The following PLXDC1 variants were observed in gnomAD, a reference collection of about 807,000 sequenced individuals.
PLXDC1 encodes the protein plexin domain containing 1.
Under a neutral mutation model 61.3 loss-of-function variants are expected in PLXDC1, and 39 were observed. That is an observed-to-expected ratio of 0.64 (90% CI 0.49 to 0.83). The LOEUF is 0.83. Ranked by LOEUF, PLXDC1 falls within the 40% of genes least tolerant of loss-of-function variation. The pLI is 0.00. For synonymous variants in PLXDC1, 212 were observed against 254.5 expected (o/e 0.83, Z 1.59); for missense variants, 596 against 666.5 (o/e 0.89, Z 1.17).
At position 39,129,711 on chromosome 17, in the gene PLXDC1, G is replaced by GGAAAGAAA. The variant is rs905924810; in HGVS notation, c.255+9935_255+9942dup. Among the ~76,000 whole-genome samples the GGAAAGAAA allele has an allele frequency of 4.8e-4, 52 of 108,334 alleles. 3 individuals carry two copies. The highest frequency in any genetic ancestry group is 1.6e-3 in the African/African-American group (46 of 28,252). The allele number at this position is 108,334 out of a possible 152,430, so 71.1% of individuals were successfully genotyped here. The stretch of plus-strand genomic sequence containing the variant: ...AGAAAAGAAAGAAAGAAAGAAAGAA[G>GGAAAGAAA]GAAAGAAAGAAAGAAAGAAAAGAAA... On this transcript the variant is annotated intron_variant, in intron 2 of 13. Coordinates refer to ENST00000315392, the MANE Select transcript of PLXDC1 (RefSeq NM_020405.5).
intron 7 of PLXDC1, among the ~76,000 whole-genome samples, chr17:39,104,386 A>G (rs1270407688): frequency 6.6e-6 from 1 of 152,180 alleles, no homozygotes; most frequent in Non-Finnish European, 1.5e-5. Context: ...TATAGAAGGT[A>G]CTGGGTAAGG....
At chr17:39,133,580 C>A (rs1429944061) in intron 2 of PLXDC1, among the ~76,000 whole-genome samples, 1 of 152,156 alleles carries the variant, frequency 6.6e-6, no homozygotes, top group Non-Finnish European at 1.5e-5. Flanking sequence ...TGCTTACATT[C>A]CAGGGGGAAG....
rs187562410 is a variant in PLXDC1 at position 39,063,378 on chromosome 17, G to A, written c.*4462C>T. 63 of 681,916 alleles carry A rather than the reference G, an allele frequency of 9.2e-5. 1 individual carries two copies. The East Asian group carries it at 1.7e-3, about 18-fold the overall frequency. 42.2% of individuals were successfully genotyped at this position (681,916 alleles called of 1,614,324 possible). A position where few individuals can be genotyped will look rare whatever the true frequency, so the allele number is the denominator to read the frequency against. ...AAAATGCATGGGGTTTACTTCCAGG[G>A]ATTTACAGACCAATATAAGTAAACA... On this transcript the variant is annotated 3_prime_UTR_variant, in exon 14 of 14. Transcript: ENST00000315392.
intron 12 of PLXDC1, among the ~76,000 whole-genome samples, chr17:39,071,550 T>C (rs1427018042): frequency 6.6e-6 from 1 of 152,142 alleles, no homozygotes; most frequent in African/African-American, 2.4e-5. Context: ...TGCCAACAGG[T>C]GGGAGGACTG....
intron 7 of PLXDC1, among the ~76,000 whole-genome samples, chr17:39,088,010 G>A (rs1371612051): frequency 6.6e-6 from 1 of 152,160 alleles, no homozygotes; most frequent in African/African-American, 2.4e-5. Context: ...CCTGACCCAA[G>A]ATGTTCTTCC....
At chr17:39,076,753 T>G (rs1472330181) in intron 11 of PLXDC1, among the ~76,000 whole-genome samples, 2 of 152,110 alleles carry the variant, frequency 1.3e-5, no homozygotes, top group Admixed American at 6.5e-5. Flanking sequence ...TGTGTTGTTC[T>G]GAGACAGGGT....
At chr17:39,136,837 C>A (rs1453749844) in intron 2 of PLXDC1, among the ~76,000 whole-genome samples, 2 of 151,798 alleles carry the variant, frequency 1.3e-5, no homozygotes, top group African/African-American at 4.8e-5. Flanking sequence ...TGAGAAAATC[C>A]TCCAGAAAGA....
chr17:39,151,357 C>G lies in PLXDC1; in HGVS notation c.76+5G>C, dbSNP rs957458534. 32 of 1,286,540 alleles carry G rather than the reference C, an allele frequency of 2.5e-5. No homozygotes were observed. The highest frequency in any genetic ancestry group is 2.9e-5 in the Non-Finnish European group (30 of 1,017,128). 79.7% of individuals were successfully genotyped at this position (1,286,540 alleles called of 1,614,324 possible). A position where few individuals can be genotyped will look rare whatever the true frequency, so the allele number is the denominator to read the frequency against. The stretch of plus-strand genomic sequence containing the variant: ...CCCACCCGGGCCGGCTCCCGCCAGT[C>G]CTACCTGCTCCGGGCTGGGGGCTCA... On this transcript the variant is annotated splice_donor_5th_base_variant and intron_variant, in intron 1 of 13. Coordinates refer to ENST00000315392, the MANE Select transcript of PLXDC1 (RefSeq NM_020405.5). The surrounding 1 kb of genome is among the most constrained non-coding windows in gnomAD (Gnocchi z 5.2).
intron 2 of PLXDC1, among the ~76,000 whole-genome samples, chr17:39,122,984 C>T (rs1353947367): frequency 1.3e-5 from 2 of 152,214 alleles, no homozygotes; most frequent in African/African-American, 4.8e-5. Context: ...TTCTGCCACC[C>T]TCACTCCCAC....
chr17:39,118,522 C>T (rs1441557730), intron 2 of PLXDC1, among the ~76,000 whole-genome samples: 2 of 152,106 alleles, frequency 1.3e-5, no homozygotes, highest in African/African-American at 4.8e-5. Flanking sequence ...ATTTCTGATG[C>T]TCCTGAAACA....
intron 10 of PLXDC1, 115 bp downstream of exon 10, chr17:39,078,989 A>C: frequency 2.5e-6 from 2 of 806,528 alleles, no homozygotes; most frequent in Non-Finnish European, 4.2e-6. Context: ...AAGGGAGGAT[A>C]TTGCCAAGAG....
At chr17:39,072,631 C>G (rs1219290266) in intron 11 of PLXDC1, 146 bp from the exon 12 acceptor site, 6 of 676,162 alleles carry the variant, frequency 8.9e-6, no homozygotes, top group Admixed American at 2.1e-5. Context: ...GAGACTTGCT[C>G]AAGTCACACA....
chr17:39,127,911 C>T (rs1911359490), intron 2 of PLXDC1, among the ~76,000 whole-genome samples: 2 of 129,038 alleles, frequency 1.5e-5, no homozygotes, highest in East Asian at 2.2e-4. Flanking sequence ...CACTGCACTC[C>T]AGCCTGGGTG....
intron 2 of PLXDC1, among the ~76,000 whole-genome samples, chr17:39,126,331 G>T (rs941660014): frequency 6.6e-5 from 10 of 151,954 alleles, no homozygotes; most frequent in African/African-American, 1.9e-4. Context: ...ACTCAACATT[G>T]TTGATGGGTT....
At chr17:39,108,054 T>G in intron 5 of PLXDC1, 69 bp downstream of exon 5, 1 of 1,596,098 alleles carries the variant, frequency 6.3e-7, no homozygotes, top group South Asian at 1.1e-5. Flanking sequence ...CTAGGCCCTG[T>G]GCTCCTCTAA....
chr17:39,098,469 T>A (rs1387217251), intron 7 of PLXDC1, among the ~76,000 whole-genome samples: 2 of 152,180 alleles, frequency 1.3e-5, no homozygotes, highest in African/African-American at 4.8e-5. Context: ...TTGTAGTTAC[T>A]CATTTTCTAA....
intron 2 of PLXDC1, among the ~76,000 whole-genome samples, chr17:39,128,107 A>ATATATATATACATATATATG (rs1291982693): frequency 2.0e-5 from 2 of 100,632 alleles, no homozygotes; most frequent in South Asian, 3.3e-4. Flanking sequence ...GTATATATAT[A>ATATATATATACATATATATG]TATATATGTA....
At chr17:39,152,770 TAA>T (rs34433195), upstream of PLXDC1, 24,830 of 616,198 alleles carry the variant, frequency 0.04, no homozygotes, top group Middle Eastern at 0.047. Flanking sequence ...GCACTGAGGT[TAA>T]AAAAAAAAAA....
intron 7 of PLXDC1, among the ~76,000 whole-genome samples, chr17:39,092,425 A>G (rs992260129): frequency 6.6e-6 from 1 of 152,204 alleles, no homozygotes; most frequent in African/African-American, 2.4e-5. Flanking sequence ...GAAAACATCT[A>G]CTTAAACGAG....
Sources: allele counts gnomAD v4.1 joint callset (sites outside exome capture counted in the v4.1 genomes callset), GRCh38; gene constraint gnomAD v4.1.1; non-coding constraint Gnocchi (gnomAD v3.1); transcripts MANE v1.5; gene names NCBI Gene and HGNC (gene_info 2026-07-23, HGNC 2026-07-21).